Variants in TUBB4A observed in about 807,000 individuals in gnomAD.
TUBB4A encodes the protein tubulin beta 4A class IVa, also known as tubulin beta-4A chain.
In TUBB4A, 13 loss-of-function variants were observed where a neutral mutation model predicts 35.1. That is an observed-to-expected ratio of 0.37 (90% CI 0.24 to 0.59). The LOEUF is 0.59. TUBB4A is among the 20% of genes least tolerant of loss of function. The probability of loss-of-function intolerance (pLI) is 0.71; values close to 1 mark genes in which losing one functional copy is unlikely to be tolerated. For synonymous variants in TUBB4A, 279 were observed against 272.4 expected, an observed-to-expected ratio of 1.02 and a Z score of -0.24; for missense variants, 299 against 647.2, an observed-to-expected ratio of 0.46 and a Z score of 5.84.
chr19:6,495,273 G>C lies in TUBB4A; in HGVS notation c.1226C>G (p.Thr409Ser). ...TGEGMDEMEFTEAESNMNDLV... is the reference protein window; with the variant it reads ...TGEGMDEMEFSEAESNMNDLV... ...GTCATTCATGTTGCTCTCGGCCTCG[G>C]TGAACTCCATCTCGTCCATGCCCTC... Residue 409 changes from threonine to serine, a missense_variant, in exon 4 of 4, where the codon ACC becomes AGC. Around this residue, in one of 5 missense-constraint regions of TUBB4A, gnomAD observed 125 missense variants for 279.1 expected, o/e 0.45. Coordinates refer to ENST00000264071, the MANE Select transcript of TUBB4A (RefSeq NM_006087.4). This position sits in a 1 kb window ranked among gnomAD's most constrained non-coding sequence, Gnocchi z 8.7. 1 of 1,613,830 alleles carries C rather than the reference G, an allele frequency of 6.2e-7. No individual in the cohort carries two copies. The highest frequency in any genetic ancestry group is 8.5e-7 in the Non-Finnish European group (1 of 1,179,882).
rs920060727 is a variant in TUBB4A at position 6,497,789 on chromosome 19, C to A, written c.278-1568G>T. On this transcript the variant is annotated intron_variant, in intron 3 of 3. Coordinates refer to ENST00000264071, the MANE Select transcript of TUBB4A (RefSeq NM_006087.4). ...TCTACTGAAAATACAAAAAATTAGC[C>A]GGGCGAGGTGGCGGGCGCCTGTAGT... 2.9e-5 allele frequency among the ~76,000 whole-genome samples: 4 copies of A among 137,564 alleles called. No homozygotes were observed. The South Asian group carries it at 9.9e-4, about 34-fold the overall frequency. 90.2% of individuals were successfully genotyped at this position (137,564 alleles called of 152,430 possible).
In TUBB4A at chr19:6,502,291, G is replaced by A. The variant is rs1484440275; in HGVS notation, c.-79C>T. The A allele has an allele frequency of 1.4e-6, 2 of 1,409,980 alleles. No individual in the cohort carries two copies. The highest frequency in any genetic ancestry group is 1.9e-6 in the Non-Finnish European group (2 of 1,077,744). The allele number at this position is 1,409,980 out of a possible 1,614,324, so 87.3% of individuals were successfully genotyped here. On this transcript the variant is annotated 5_prime_UTR_variant, in exon 1 of 4. Transcript: ENST00000264071. ...CGGCGGCGGCGAGGGTGGAAGATGCGGCGGAGACGGCGGAGCACGGTCCCT... is the reference window on the plus strand; with the variant it reads ...CGGCGGCGGCGAGGGTGGAAGATGCAGCGGAGACGGCGGAGCACGGTCCCT...
chr19:6,501,017 C>T lies in TUBB4A; in HGVS notation c.277+270G>A. 2.2e-6 allele frequency: 1 copy of T among 447,830 alleles called. No individual in the cohort carries two copies. Among genetic ancestry groups the T allele is most frequent in the Non-Finnish European group, 4.0e-6 (1 of 249,560 alleles). The allele number at this position is 447,830 out of a possible 1,614,324, so 27.7% of individuals were successfully genotyped here. A position where few individuals can be genotyped will look rare whatever the true frequency, so the allele number is the denominator to read the frequency against. The stretch of plus-strand genomic sequence containing the variant: ...TGAAGTGGCAGAATTGGGATGTGCA[C>T]CCAGGCAGTCTGGTTCCGGTTCAGA... On this transcript the variant is annotated intron_variant, in intron 3 of 3. Transcript: ENST00000264071. This position sits in a 1 kb window ranked among gnomAD's most constrained non-coding sequence, Gnocchi z 4.2.
In TUBB4A at chr19:6,495,472, C is replaced by T; in HGVS notation, c.1027G>A (p.Glu343Lys). The T allele has an allele frequency of 6.2e-7, 1 of 1,614,222 alleles. No homozygotes were observed. The highest frequency in any genetic ancestry group is 8.5e-7 in the Non-Finnish European group (1 of 1,180,034). The change falls in exon 4 of 4, where the codon GAG (glutamate) becomes AAG (lysine). Residue 343 changes from glutamate (E) to lysine (K), a missense_variant. Around this residue, in one of 5 missense-constraint regions of TUBB4A, gnomAD observed 125 missense variants for 279.1 expected, o/e 0.45. Coordinates refer to ENST00000264071, the MANE Select transcript of TUBB4A (RefSeq NM_006087.4). This position sits in a 1 kb window ranked among gnomAD's most constrained non-coding sequence, Gnocchi z 8.7. ...VQSKNSSYFVEWIPNNVKTAV... is the reference protein window; with the variant it reads ...VQSKNSSYFVKWIPNNVKTAV... ...GTCTTCACGTTGTTGGGGATCCACT[C>T]CACGAAGTAGCTGCTGTTCTTGCTC... is the stretch of plus-strand genomic sequence containing the variant.
chr19:6,499,758 G>A (rs923225841), intron 3 of TUBB4A, among the ~76,000 whole-genome samples: 2 of 151,276 alleles, frequency 1.3e-5, no homozygotes, highest in Admixed American at 6.6e-5. Context: ...GTCAGGCATT[G>A]TTCTAAACTC....
Position 6,494,926 on chromosome 19 carries a change from C to G in TUBB4A, c.*238G>C. The G allele has an allele frequency of 1.7e-6, 1 of 598,448 alleles. No individual in the cohort carries two copies. The highest frequency in any genetic ancestry group is 2.1e-5 in the South Asian group (1 of 47,944). The allele number at this position is 598,448 out of a possible 1,614,324, so 37.1% of individuals were successfully genotyped here. ...AGTCAGAAGGGGTGAAGCGGGGCTCCTCCTGGGAATGTCAAGGTTGGAAGA... is the reference window on the plus strand; with the variant it reads ...AGTCAGAAGGGGTGAAGCGGGGCTCGTCCTGGGAATGTCAAGGTTGGAAGA... On this transcript the variant is annotated 3_prime_UTR_variant, in exon 4 of 4. Coordinates refer to ENST00000264071, the MANE Select transcript of TUBB4A (RefSeq NM_006087.4).
chr19:6,502,192 C>T lies in TUBB4A; in HGVS notation c.21G>A (p.Leu7=). The T allele has an allele frequency of 6.4e-7, 1 of 1,573,222 alleles. No homozygotes were observed. ...TCTGGTTGCCGCACTGGCCGGCCTG[C>T]AGGTGCACGATCTCCCGCATGGCGG... The part of the protein sequence containing the change: MREIVH[L]QAGQCGNQIG... The change falls in exon 1 of 4, where the codon CTG becomes CTA. Residue 7 remains leucine, a synonymous_variant. Transcript: ENST00000264071.
intron 3 of TUBB4A, 71 bp from the exon 4 acceptor site, chr19:6,496,292 C>G: frequency 7.1e-7 from 1 of 1,411,092 alleles, no homozygotes; most frequent in Non-Finnish European, 9.7e-7. Context: ...GTCTCTCCAC[C>G]ACCTGGAGGG....
At chr19:6,496,420 G>C in intron 3 of TUBB4A, 199 bp from the exon 4 acceptor site, 1 of 546,342 alleles carries the variant, frequency 1.8e-6, no homozygotes, top group South Asian at 2.2e-5. Context: ...ACGAGGTCAG[G>C]AGATCGAGAC....
At chr19:6,499,426 G>A (rs348395) in intron 3 of TUBB4A, among the ~76,000 whole-genome samples, 10,515 of 152,130 alleles carry the variant, frequency 0.069, 504 homozygotes, top group East Asian at 0.23. Context: ...TTTCTCACCT[G>A]TAAAATGGAA....
In TUBB4A at chr19:6,495,631, T is replaced by C; in HGVS notation, c.868A>G (p.Thr290Ala). The C allele has an allele frequency of 6.2e-7, 1 of 1,613,978 alleles. No homozygotes were observed. The highest frequency in any genetic ancestry group is 8.5e-7 in the Non-Finnish European group (1 of 1,179,932). ...TTCTTGGCATCGAACATCTGCTGGG[T>C]GAGCTCGGGCACCGTCAGGGCCCGG... ...QYRALTVPEL[T>A]QQMFDAKNMM... Residue 290 changes from threonine to alanine, a missense_variant, in exon 4 of 4, where the codon ACC (threonine) becomes GCC (alanine). By Grantham distance (58) the Thr-to-Ala change is moderately conservative. Transcript: ENST00000264071. This position sits in a 1 kb window ranked among gnomAD's most constrained non-coding sequence, Gnocchi z 8.7.
intron 3 of TUBB4A, among the ~76,000 whole-genome samples, chr19:6,498,822 C>A (rs2145254328): frequency 1.3e-5 from 2 of 152,338 alleles, no homozygotes; most frequent in Middle Eastern, 3.4e-3. Context: ...GTGACTTCCC[C>A]TTTCTGATCT....
In TUBB4A at chr19:6,501,849, C is replaced by A. The variant is rs1226610655; in HGVS notation, c.58-226G>T. On this transcript the variant is annotated intron_variant, in intron 1 of 3. Transcript: ENST00000264071. This position sits in a 1 kb window ranked among gnomAD's most constrained non-coding sequence, Gnocchi z 4.2. Reference sequence around the variant, plus strand: ...AGCGGGGCCGGCTGGTGCCAGCGCACCCAGGCTGCAGCCCGGGGGAGGCAC... The same window carrying A: ...AGCGGGGCCGGCTGGTGCCAGCGCAACCAGGCTGCAGCCCGGGGGAGGCAC... 1 of 590,418 alleles carries A rather than the reference C, an allele frequency of 1.7e-6. No homozygotes were observed. Among genetic ancestry groups the A allele is most frequent in the Non-Finnish European group, 3.0e-6 (1 of 334,746 alleles). 36.6% of individuals were successfully genotyped at this position (590,418 alleles called of 1,614,324 possible).
chr19:6,495,902 G>A lies in TUBB4A; in HGVS notation c.597C>T (p.Thr199=). 1 of 1,614,218 alleles carries A rather than the reference G, an allele frequency of 6.2e-7. No homozygotes were observed. Among genetic ancestry groups the A allele is most frequent in the Non-Finnish European group, 8.5e-7 (1 of 1,180,050 alleles). ...AGAGTGCCTCGTTGTCGATGCAGTA[G>A]GTCTCATCCGTATTCTCCACCAGCT... ...VHQLVENTDE[T]YCIDNEALYD... Residue 199 remains threonine (T), a synonymous_variant, in exon 4 of 4, where the codon ACC becomes ACT. Transcript: ENST00000264071. The surrounding 1 kb of genome is among the most constrained non-coding windows in gnomAD (Gnocchi z 8.7).
upstream of TUBB4A, chr19:6,502,339 G>A: frequency 1.8e-6 from 2 of 1,093,594 alleles, no homozygotes; most frequent in Non-Finnish European, 2.5e-6. Context: ...GCCGCTATAT[G>A]AGCGGGCGGG....
chr19:6,501,476 C>T lies in TUBB4A; in HGVS notation c.166+39G>A. On this transcript the variant is annotated intron_variant, in intron 2 of 3. Coordinates refer to ENST00000264071, the MANE Select transcript of TUBB4A (RefSeq NM_006087.4). This position sits in a 1 kb window ranked among gnomAD's most constrained non-coding sequence, Gnocchi z 4.2. The stretch of plus-strand genomic sequence containing the variant: ...CCGGTAGCATCCTGTTCCCTCCCAG[C>T]TGCCCCTTCCCACCTGGAAGGTGCC... 1.2e-6 allele frequency: 2 copies of T among 1,605,486 alleles called. No homozygotes were observed. The highest frequency in any genetic ancestry group is 1.7e-6 in the Non-Finnish European group (2 of 1,173,518).
At chr19:6,499,432 T>C (rs1914426009) in intron 3 of TUBB4A, among the ~76,000 whole-genome samples, 1 of 151,992 alleles carries the variant, frequency 6.6e-6, no homozygotes, top group Non-Finnish European at 1.5e-5. Context: ...ACCTGTAAAA[T>C]GGAAGTAAGA....
rs2145245106 is a variant in TUBB4A, at chr19:6,495,857, G to T, written c.642C>A (p.Thr214=). The T allele has an allele frequency of 6.2e-7, 1 of 1,614,224 alleles. No homozygotes were observed. The highest frequency in any genetic ancestry group is 2.2e-5 in the East Asian group (1 of 44,878). The part of the protein sequence containing the change: ...NEALYDICFR[T]LKLTTPTYGD... The stretch of plus-strand genomic sequence containing the variant: ...CGTAGGTGGGGGTGGTCAGCTTGAG[G>T]GTGCGGAAACAGATGTCGTAGAGTG... The change falls in exon 4 of 4, where the codon ACC becomes ACA. Residue 214 remains threonine, a synonymous_variant. Transcript: ENST00000264071. This position sits in a 1 kb window ranked among gnomAD's most constrained non-coding sequence, Gnocchi z 8.7.
Position 6,495,307 on chromosome 19 carries a change from A to G in TUBB4A, c.1192T>C (p.Tyr398His). Reference protein sequence around the residue: ...MFRRKAFLHWYTGEGMDEMEF... With the variant: ...MFRRKAFLHWHTGEGMDEMEF... ...ATCTCGTCCATGCCCTCGCCCGTGT[A>G]CCAGTGCAAGAAGGCCTTGCGCCGG... Residue 398 changes from tyrosine to histidine, a missense_variant, in exon 4 of 4, where the codon TAC (tyrosine) becomes CAC (histidine). By Grantham distance (83) the Tyr-to-His change is moderately conservative. Around this residue, in one of 5 missense-constraint regions of TUBB4A, gnomAD observed 125 missense variants for 279.1 expected, o/e 0.45. Coordinates refer to ENST00000264071, the MANE Select transcript of TUBB4A (RefSeq NM_006087.4). The surrounding 1 kb of genome is among the most constrained non-coding windows in gnomAD (Gnocchi z 8.7). The G allele has an allele frequency of 6.2e-7, 1 of 1,613,692 alleles. No individual in the cohort carries two copies. The highest frequency in any genetic ancestry group is 8.5e-7 in the Non-Finnish European group (1 of 1,179,882).
Sources: allele counts gnomAD v4.1 joint callset (sites outside exome capture counted in the v4.1 genomes callset), GRCh38; gene constraint gnomAD v4.1.1; regional missense constraint gnomAD v4.1.1; non-coding constraint Gnocchi (gnomAD v3.1); transcripts MANE v1.5; gene names NCBI Gene and HGNC (gene_info 2026-07-23, HGNC 2026-07-21).